EXOC2: variants seen among roughly 807,000 people sequenced by gnomAD.
The protein encoded by EXOC2 is SEC5-like 1.
In EXOC2, 70 loss-of-function variants were observed where a neutral mutation model predicts 131.8. The ratio of observed to expected loss-of-function variants is 0.53; its 90% confidence interval spans 0.44 to 0.65. The LOEUF (loss-of-function observed/expected upper bound fraction) is 0.65. Among genes scored for constraint, EXOC2 ranks in the 30% least tolerant of loss-of-function variants. The probability of loss-of-function intolerance (pLI) is 0.00; values close to 1 mark genes in which losing one functional copy is unlikely to be tolerated. For missense variants in EXOC2, 923 were observed against 1,108.6 expected (o/e 0.83, Z 2.38); for synonymous variants, 411 against 398.4 (o/e 1.03, Z -0.38).
chr6:575,530 A>ATCCTCTCCCTCGCTCCG (rs1758532904), intron 12 of EXOC2, among the ~76,000 whole-genome samples: 1 of 61,134 alleles, frequency 1.6e-5, no homozygotes, highest in Non-Finnish European at 4.5e-5. Flanking sequence ...CCCTCGCTCC[A>ATCCTCTCCCTCGCTCCG]TCTCCTGCCA....
chr6:571,690 A>C (rs1042658933), intron 13 of EXOC2, among the ~76,000 whole-genome samples: 2 of 152,178 alleles, frequency 1.3e-5, no homozygotes, highest in African/African-American at 4.8e-5. Context: ...AGTCAAAAAG[A>C]AGCAGAAAGT....
Position 506,922 on chromosome 6 carries a change from A to C in EXOC2, c.2381-7222T>G, listed in dbSNP as rs1014517743. Among the ~76,000 whole-genome samples the C allele has an allele frequency of 5.3e-5, 8 of 152,240 alleles. No homozygotes were observed. The highest frequency in any genetic ancestry group is 1.9e-4 in the African/African-American group (8 of 41,544). On this transcript the variant is annotated intron_variant, in intron 23 of 27. Coordinates refer to ENST00000230449, the MANE Select transcript of EXOC2 (RefSeq NM_018303.6). This position sits in a 1 kb window ranked among gnomAD's most constrained non-coding sequence, Gnocchi z 4.4. The stretch of plus-strand genomic sequence containing the variant: ...AAGGTCACTTGATTTTGGAACAGGC[A>C]AACTGGCACACTATTAAAAATACTT...
chr6:665,668 G>T (rs1468637632), intron 1 of EXOC2, among the ~76,000 whole-genome samples: 1 of 152,090 alleles, frequency 6.6e-6, no homozygotes, highest in Non-Finnish European at 1.5e-5. Context: ...TCTAAGAGAA[G>T]TAAATCAGGA....
chr6:615,182 G>GGGGT (rs759049307), intron 6 of EXOC2, among the ~76,000 whole-genome samples: 14,420 of 121,058 alleles, frequency 0.12, 949 homozygotes, highest in Middle Eastern at 0.18. Context: ...TGTGGGTGTG[G>GGGGT]GTGTGTGTGT....
chr6:546,619 T>C (rs1756875655), intron 22 of EXOC2, among the ~76,000 whole-genome samples: 1 of 152,166 alleles, frequency 6.6e-6, no homozygotes, highest in Non-Finnish European at 1.5e-5. Context: ...CTCAGCCTAG[T>C]CCACATGAAG....
intron 12 of EXOC2, 61 bp downstream of exon 12, chr6:576,696 T>G (rs1581475461): frequency 6.3e-7 from 1 of 1,585,928 alleles, no homozygotes; most frequent in East Asian, 2.3e-5. Flanking sequence ...AAGAGAAGAA[T>G]GTTTGAAATT....
Position 506,955 on chromosome 6 carries a change from G to A in EXOC2, c.2381-7255C>T, listed in dbSNP as rs377081265. Among the ~76,000 whole-genome samples, 43 of 152,118 alleles carry A rather than the reference G, an allele frequency of 2.8e-4. No individual in the cohort carries two copies. In the East Asian group the frequency reaches 8.3e-3, roughly 29 times the overall value. On this transcript the variant is annotated intron_variant, in intron 23 of 27. Coordinates refer to ENST00000230449, the MANE Select transcript of EXOC2 (RefSeq NM_018303.6). This position sits in a 1 kb window ranked among gnomAD's most constrained non-coding sequence, Gnocchi z 4.4. ...ACACTATTAAAAATACTTCCTGAGT[G>A]TCCATTATTATTACATGCAGGACAC...
intron 1 of EXOC2, among the ~76,000 whole-genome samples, chr6:649,216 A>G (rs1762723896): frequency 6.6e-6 from 1 of 152,234 alleles, no homozygotes; most frequent in African/African-American, 2.4e-5. Flanking sequence ...TTTGGAAAGC[A>G]TAGGGATAAA....
At chr6:656,055 T>C in intron 1 of EXOC2, 1 of 1,333,600 alleles carries the variant, frequency 7.5e-7, no homozygotes, top group Admixed American at 1.9e-5. Context: ...AGGGTCTGTT[T>C]TAGTTTTGAA....
intron 1 of EXOC2, among the ~76,000 whole-genome samples, chr6:643,856 C>T (rs957215751): frequency 6.6e-6 from 1 of 151,926 alleles, no homozygotes; most frequent in Admixed American, 6.6e-5. Flanking sequence ...GAGGGAATAA[C>T]CATAGATACT....
At chr6:653,986 C>A (rs1249631271) in intron 1 of EXOC2, among the ~76,000 whole-genome samples, 1 of 152,164 alleles carries the variant, frequency 6.6e-6, no homozygotes, top group South Asian at 2.1e-4. Flanking sequence ...ATCAATAGAA[C>A]AACAGAGCCT....
At chr6:492,228 C>G (rs373555005) in intron 25 of EXOC2, among the ~76,000 whole-genome samples, 1 of 152,118 alleles carries the variant, frequency 6.6e-6, no homozygotes, top group East Asian at 1.9e-4. Flanking sequence ...CACTTCACAC[C>G]CACTAGGATG....
intron 23 of EXOC2, among the ~76,000 whole-genome samples, chr6:510,610 T>C (rs1446297367): frequency 1.3e-5 from 2 of 152,090 alleles, no homozygotes; most frequent in African/African-American, 4.8e-5. Context: ...TATACGCAAG[T>C]GGAAAAAACT....
chr6:529,800 C>T (rs937555037), intron 23 of EXOC2, among the ~76,000 whole-genome samples: 5 of 152,090 alleles, frequency 3.3e-5, no homozygotes, highest in Non-Finnish European at 7.4e-5. Flanking sequence ...GTTTACATAA[C>T]TAAACAGATA....
chr6:642,925 G>GT (rs1762419729), intron 1 of EXOC2, among the ~76,000 whole-genome samples: 1 of 147,626 alleles, frequency 6.8e-6, no homozygotes, highest in South Asian at 2.1e-4. Flanking sequence ...CATTTTTCAA[G>GT]TAAAAAAAAA....
intron 16 of EXOC2, 102 bp downstream of exon 16, chr6:563,931 A>C: frequency 2.0e-6 from 3 of 1,476,108 alleles, no homozygotes; most frequent in Non-Finnish European, 2.7e-6. Flanking sequence ...CAATTTCCAG[A>C]AGAGTAATTT....
intron 5 of EXOC2, among the ~76,000 whole-genome samples, chr6:618,387 T>C (rs1343012510): frequency 6.6e-6 from 1 of 152,178 alleles, no homozygotes; most frequent in Non-Finnish European, 1.5e-5. Context: ...CATCTCAATA[T>C]CTAAAGCAGA....
intron 13 of EXOC2, among the ~76,000 whole-genome samples, chr6:571,571 T>TA (rs780526935): frequency 5.9e-5 from 9 of 152,176 alleles, no homozygotes; most frequent in Non-Finnish European, 1.2e-4. Context: ...CTCTGACACT[T>TA]AGCCACTTTC....
rs926125761 is a variant in EXOC2, at chr6:652,746, C to A, written c.-43-14885G>T. 3.3e-5 allele frequency among the ~76,000 whole-genome samples: 5 copies of A among 152,110 alleles called. No homozygotes were observed. In the South Asian group the frequency reaches 8.3e-4, roughly 25 times the overall value. On this transcript the variant is annotated intron_variant, in intron 1 of 27. Coordinates refer to ENST00000230449, the MANE Select transcript of EXOC2 (RefSeq NM_018303.6). ...AGGATGAATGGAAACCTGATTTATC[C>A]AAAAATTACCCTTAAAGCAACATTT...
Sources: allele counts gnomAD v4.1 joint callset (sites outside exome capture counted in the v4.1 genomes callset), GRCh38; gene constraint gnomAD v4.1.1; non-coding constraint Gnocchi (gnomAD v3.1); transcripts MANE v1.5; gene names NCBI Gene and HGNC (gene_info 2026-07-23, HGNC 2026-07-21).